The following KMT2B variants were observed in gnomAD, a reference collection of about 807,000 sequenced individuals.
KMT2B encodes the protein histone-lysine N-methyltransferase 2B.
Under a neutral mutation model 255.3 loss-of-function variants are expected in KMT2B, and 22 were observed. That is an observed-to-expected ratio of 0.09 (90% CI 0.06 to 0.12). The LOEUF is 0.12. KMT2B is among the 10% of genes least tolerant of loss of function. The pLI is 1.00. For synonymous variants in KMT2B, 1,730 were observed against 1,498.1 expected (o/e 1.15, Z -3.57); for missense variants, 3,149 against 3,737.0 (o/e 0.84, Z 4.10).
intron 3 of KMT2B, 134 bp downstream of exon 3, chr19:35,721,938 C>T (rs1969230828): frequency 2.4e-6 from 3 of 1,233,054 alleles, no homozygotes; most frequent in Non-Finnish European, 3.3e-6. Context: ...TCTGTGATCC[C>T]CCACCTTCCT....
intron 30 of KMT2B, chr19:35,736,399 TTGAG>T (rs1969918439): frequency 2.5e-6 from 1 of 398,620 alleles, no homozygotes; most frequent in Non-Finnish European, 4.6e-6. Flanking sequence ...TACACTGGGT[TTGAG>T]TGAGCCATAG....
At position 35,732,322 on chromosome 19, in the gene KMT2B, C is replaced by T; in HGVS notation, c.5773C>T (p.Pro1925Ser). ...RPSPLAPRPP[P>S]SRWASPPLKT... ...CAGCCCTTTGGCTCCCAGGCCGCCT[C>T]CATCACGGTGGGCCTCCCCTCCTCT... is the stretch of plus-strand genomic sequence containing the variant. The change falls in exon 28 of 37, where the codon CCA (proline) becomes TCA (serine). Residue 1925 changes from proline to serine, a missense_variant. Pro to Ser is a moderately conservative substitution (Grantham distance 74). This residue lies in a region of KMT2B where 897 missense variants were observed against 825.3 expected (regional missense o/e 1.09). Coordinates refer to ENST00000420124, the MANE Select transcript of KMT2B (RefSeq NM_014727.3). 1 of 1,611,444 alleles carries T rather than the reference C, an allele frequency of 6.2e-7. No homozygotes were observed. Among genetic ancestry groups the T allele is most frequent in the Non-Finnish European group, 8.5e-7 (1 of 1,178,880 alleles).
In KMT2B at chr19:35,724,621, A is replaced by G. The variant is rs1367099719; in HGVS notation, c.3335-16A>G. The stretch of plus-strand genomic sequence containing the variant: ...TGGAAGGGGAGTGACCTCACTGCTC[A>G]TTGTGTCCTGCCTAGAGCTGCCACT... On this transcript the variant is annotated splice_polypyrimidine_tract_variant and intron_variant, in intron 8 of 36. Coordinates refer to ENST00000420124, the MANE Select transcript of KMT2B (RefSeq NM_014727.3). 1 of 1,577,982 alleles carries G rather than the reference A, an allele frequency of 6.3e-7. No homozygotes were observed. The highest frequency in any genetic ancestry group is 8.6e-7 in the Non-Finnish European group (1 of 1,161,648).
rs539483328 is a variant in KMT2B at position 35,725,212 on chromosome 19, T to TC, written c.3529-3dup. ...GGCCCTCTGATCCTGCATCCTCTCTTCCCCCAGGAGGATTGTGATTTAGAG... is the reference window on the plus strand; with the variant it reads ...GGCCCTCTGATCCTGCATCCTCTCTTCCCCCCAGGAGGATTGTGATTTAGAG... On this transcript the variant is annotated splice_region_variant and splice_polypyrimidine_tract_variant and intron_variant, in intron 10 of 36. Transcript: ENST00000420124. This position sits in a 1 kb window ranked among gnomAD's most constrained non-coding sequence, Gnocchi z 4.1. The TC allele has an allele frequency of 2.6e-3, 4,113 of 1,610,024 alleles. 6 individuals are homozygous for TC. Among genetic ancestry groups the TC allele is most frequent in the Non-Finnish European group, 3.0e-3 (3,579 of 1,177,004 alleles).
rs758871231 is a variant in KMT2B, at chr19:35,730,431, G to T, written c.5166G>T (p.Gly1722=). Reference sequence around the variant, plus strand: ...ACTTCAAGCGGAAGTTCTTGACGGGGCTTGAACCCGATGCCATCAACGTGC... The same window carrying T: ...ACTTCAAGCGGAAGTTCTTGACGGGTCTTGAACCCGATGCCATCAACGTGC... ...GINFKRKFLT[G]LEPDAINVLI... is the part of the protein sequence containing the mutation. Residue 1722 remains glycine (G), a synonymous_variant, in exon 24 of 37, where the codon GGG becomes GGT. Coordinates refer to ENST00000420124, the MANE Select transcript of KMT2B (RefSeq NM_014727.3). 3.4e-5 allele frequency: 55 copies of T among 1,613,848 alleles called. No homozygotes were observed. Among genetic ancestry groups the T allele is most frequent in the Non-Finnish European group, 4.5e-5 (53 of 1,179,746 alleles).
intron 22 of KMT2B, among the ~76,000 whole-genome samples, chr19:35,729,609 T>C (rs1969610265): frequency 6.6e-6 from 1 of 152,164 alleles, no homozygotes; most frequent in African/African-American, 2.4e-5. Flanking sequence ...ATTCCCCCAC[T>C]CCTCACAGTG....
intron 8 of KMT2B, 85 bp downstream of exon 8, chr19:35,724,092 G>A: frequency 1.5e-6 from 2 of 1,332,036 alleles, no homozygotes; most frequent in East Asian, 2.4e-5. Flanking sequence ...CCCAGACCCA[G>A]GGCTCTGTCA....
chr19:35,733,653 G>A lies in KMT2B; in HGVS notation c.7016G>A (p.Arg2339Gln), dbSNP rs751409145. 8.5e-5 allele frequency: 136 copies of A among 1,600,058 alleles called. 1 individual carries two copies. Among genetic ancestry groups the A allele is most frequent in the Middle Eastern group, 3.3e-4 (2 of 6,056 alleles). ...GTGCGTGGGGTCCTTGACCTGGATC[G>A]GCCTGGGGAGCCCGCTGGGGAAGAA... ...PTVRGVLDLDRPGEPAGEESP... is the reference protein window; with the variant it reads ...PTVRGVLDLDQPGEPAGEESP... Residue 2339 changes from arginine (R) to glutamine (Q), a missense_variant, in exon 29 of 37, where the codon CGG (arginine) becomes CAG (glutamine). By Grantham distance (43) the Arg-to-Gln change is conservative (BLOSUM62 1). Transcript: ENST00000420124. This position sits in a 1 kb window ranked among gnomAD's most constrained non-coding sequence, Gnocchi z 4.3.
At position 35,728,877 on chromosome 19, in the gene KMT2B, G is replaced by T. The variant is rs1368801536; in HGVS notation, c.4675G>T (p.Asp1559Tyr). The T allele has an allele frequency of 6.2e-7, 1 of 1,613,864 alleles. No individual in the cohort carries two copies. The highest frequency in any genetic ancestry group is 1.1e-5 in the South Asian group (1 of 91,080). ...CCCAGAATCAGGGCAGCCTCCAGGGGATCCCTCAGCAGGTACTGGGAAGTG... is the reference window on the plus strand; with the variant it reads ...CCCAGAATCAGGGCAGCCTCCAGGGTATCCCTCAGCAGGTACTGGGAAGTG... The part of the protein sequence containing the change: ...ETPESGQPPG[D>Y]PSAAFQGKDP... Residue 1559 changes from aspartate (D) to tyrosine (Y), a missense_variant, in exon 20 of 37, where the codon GAT becomes TAT. Asp to Tyr is a radical substitution (Grantham distance 160, BLOSUM62 -3). Around this residue, in one of 18 missense-constraint regions of KMT2B, gnomAD observed 377 missense variants for 471.0 expected, o/e 0.80. Coordinates refer to ENST00000420124, the MANE Select transcript of KMT2B (RefSeq NM_014727.3).
chr19:35,722,870 A>C (rs1367560248), intron 5 of KMT2B, 125 bp from the exon 6 acceptor site: 18 of 1,417,846 alleles, frequency 1.3e-5, no homozygotes, highest in Non-Finnish European at 1.6e-5. Flanking sequence ...GAGCAACTTC[A>C]TTTGGGGGCA....
chr19:35,728,836 A>G lies in KMT2B; in HGVS notation c.4634A>G (p.Gln1545Arg), dbSNP rs1280612540. The change falls in exon 20 of 37, where the codon CAG becomes CGG. Residue 1545 changes from glutamine to arginine, a missense_variant. Coordinates refer to ENST00000420124, the MANE Select transcript of KMT2B (RefSeq NM_014727.3). ...GATCATGTCTATGCGCAGTGGAGACAGCAGGAACCAGAGACCCCAGAATCA... is the reference window on the plus strand; with the variant it reads ...GATCATGTCTATGCGCAGTGGAGACGGCAGGAACCAGAGACCCCAGAATCA... ...SLDHVYAQWR[Q>R]QEPETPESGQ... 2 of 1,613,874 alleles carry G rather than the reference A, an allele frequency of 1.2e-6. No homozygotes were observed. Among genetic ancestry groups the G allele is most frequent in the East Asian group, 2.2e-5 (1 of 44,892 alleles).
chr19:35,720,287 G>A lies in KMT2B; in HGVS notation c.940G>A (p.Val314Ile), dbSNP rs766672232. The A allele has an allele frequency of 5.0e-6, 8 of 1,613,348 alleles. No individual in the cohort carries two copies. The highest frequency in any genetic ancestry group is 6.8e-6 in the Non-Finnish European group (8 of 1,179,752). Reference sequence around the variant, plus strand: ...CAAGTTTGTTTCAAGGGCCAAAAAAGTAAAGATGGGACAATTGTCCTTGGG... The same window carrying A: ...CAAGTTTGTTTCAAGGGCCAAAAAAATAAAGATGGGACAATTGTCCTTGGG... ...VIKFVSRAKK[V>I]KMGQLSLGLE... Residue 314 changes from valine (V) to isoleucine (I), a missense_variant, in exon 3 of 37, where the codon GTA becomes ATA. This residue lies in a region of KMT2B where 1,188 missense variants were observed against 1,106.4 expected (regional missense o/e 1.07). Coordinates refer to ENST00000420124, the MANE Select transcript of KMT2B (RefSeq NM_014727.3).
At chr19:35,729,123 G>C in intron 21 of KMT2B, 36 bp from the exon 22 acceptor site, 4 of 1,613,948 alleles carry the variant, frequency 2.5e-6, no homozygotes, top group Non-Finnish European at 3.4e-6. Flanking sequence ...CTGTTCCCTG[G>C]CCTCCCCACA....
In KMT2B at chr19:35,722,288, C is replaced by G. The variant is rs1041929051; in HGVS notation, c.2458-71C>G. On this transcript the variant is annotated intron_variant, in intron 3 of 36. Transcript: ENST00000420124. Reference sequence around the variant, plus strand: ...AAAGTGCTGGGATTACAGGCATCAGCCACCACACCCAGCTCCCTGTCCCTA... The same window carrying G: ...AAAGTGCTGGGATTACAGGCATCAGGCACCACACCCAGCTCCCTGTCCCTA... 3 of 1,455,504 alleles carry G rather than the reference C, an allele frequency of 2.1e-6. No individual in the cohort carries two copies. In the African/African-American group the frequency reaches 4.2e-5, roughly 20 times the overall value. The allele number at this position is 1,455,504 out of a possible 1,614,324, so 90.2% of individuals were successfully genotyped here.
rs1015794817 is a variant in KMT2B at position 35,728,709 on chromosome 19, G to A, written c.4572-65G>A. The A allele has an allele frequency of 3.9e-6, 5 of 1,266,024 alleles. No homozygotes were observed. In the Admixed American group the frequency reaches 7.3e-5, roughly 19 times the overall value. The allele number at this position is 1,266,024 out of a possible 1,614,324, so 78.4% of individuals were successfully genotyped here. On this transcript the variant is annotated intron_variant, in intron 19 of 36. Transcript: ENST00000420124. ...TGTCATGGCGAGTTCAGGCTGGTTTGTGGATGGGCCCCCGTTCAGCTGCCC... is the reference window on the plus strand; with the variant it reads ...TGTCATGGCGAGTTCAGGCTGGTTTATGGATGGGCCCCCGTTCAGCTGCCC...
At position 35,732,724 on chromosome 19, in the gene KMT2B, G is replaced by A; in HGVS notation, c.6175G>A (p.Glu2059Lys). Residue 2059 changes from glutamate (E) to lysine (K), a missense_variant, in exon 28 of 37, where the codon GAA becomes AAA. This residue lies in a region of KMT2B where 897 missense variants were observed against 825.3 expected (regional missense o/e 1.09). Transcript: ENST00000420124. ...PSATPGAPRI[E>K]QLDGVDDGTD... Reference sequence around the variant, plus strand: ...CGCTACCCCTGGAGCCCCCCGCATTGAACAGCTGGACGGCGTGGACGACGG... The same window carrying A: ...CGCTACCCCTGGAGCCCCCCGCATTAAACAGCTGGACGGCGTGGACGACGG... 1.2e-6 allele frequency: 2 copies of A among 1,610,388 alleles called. No homozygotes were observed. Among genetic ancestry groups the A allele is most frequent in the Non-Finnish European group, 1.7e-6 (2 of 1,178,720 alleles).
chr19:35,720,744 C>T lies in KMT2B; in HGVS notation c.1397C>T (p.Ser466Phe), dbSNP rs2146436898. ...CCTCCTGTGGTCCCAGCTACGTGCT[C>T]CAGGAAGAGGGGCCGGCCTCCCCTG... ...SPPPVVPATC[S>F]RKRGRPPLTP... Residue 466 changes from serine to phenylalanine, a missense_variant, in exon 3 of 37, where the codon TCC (serine) becomes TTC (phenylalanine). This residue lies in a region of KMT2B where 1,188 missense variants were observed against 1,106.4 expected (regional missense o/e 1.07). Coordinates refer to ENST00000420124, the MANE Select transcript of KMT2B (RefSeq NM_014727.3). The T allele has an allele frequency of 6.8e-7, 1 of 1,473,654 alleles. No homozygotes were observed. Among genetic ancestry groups the T allele is most frequent in the South Asian group, 1.4e-5 (1 of 70,512 alleles). The allele number at this position is 1,473,654 out of a possible 1,614,324, so 91.3% of individuals were successfully genotyped here.
rs535703284 is a variant in KMT2B, at chr19:35,721,898, G to C, written c.2457+94G>C. 12 of 1,428,334 alleles carry C rather than the reference G, an allele frequency of 8.4e-6. No homozygotes were observed. The East Asian group carries it at 2.8e-4, about 33-fold the overall frequency. The allele number at this position is 1,428,334 out of a possible 1,614,324, so 88.5% of individuals were successfully genotyped here. A position where few individuals can be genotyped will look rare whatever the true frequency, so the allele number is the denominator to read the frequency against. On this transcript the variant is annotated intron_variant, in intron 3 of 36. Transcript: ENST00000420124. The stretch of plus-strand genomic sequence containing the variant: ...CTTCCGCCTCCTTGGACACTTTCCA[G>C]CATTGCGGGGAACCCTCAGAACCTG...
chr19:35,719,986 C>T lies in KMT2B; in HGVS notation c.639C>T (p.Pro213=), dbSNP rs774135243. ...CACCCCGGAGCCGGGCATGTGAGCC[C>T]TCCACCCCCCGGCGGTCTCGGGGAC... ...PQAPRSRACE[P]STPRRSRGRP... is the part of the protein sequence containing the mutation. The change falls in exon 3 of 37, where the codon CCC becomes CCT. Residue 213 remains proline (P), a synonymous_variant. Coordinates refer to ENST00000420124, the MANE Select transcript of KMT2B (RefSeq NM_014727.3). 4 of 1,613,178 alleles carry T rather than the reference C, an allele frequency of 2.5e-6. No homozygotes were observed. The highest frequency in any genetic ancestry group is 3.4e-6 in the Non-Finnish European group (4 of 1,179,792).
Sources: allele counts gnomAD v4.1 joint callset (sites outside exome capture counted in the v4.1 genomes callset), GRCh38; gene constraint gnomAD v4.1.1; regional missense constraint gnomAD v4.1.1; non-coding constraint Gnocchi (gnomAD v3.1); transcripts MANE v1.5; gene names NCBI Gene and HGNC (gene_info 2026-07-23, HGNC 2026-07-21).